Variants in RTN4R observed in about 807,000 individuals in gnomAD.
RTN4R encodes the protein reticulon 4 receptor, also known as reticulon-4 receptor.
RTN4R carries 4 observed loss-of-function variants against 27.7 expected under a neutral mutation model. The ratio of observed to expected loss-of-function variants is 0.14; its 90% CI spans 0.07 to 0.33. RTN4R has a LOEUF of 0.33. Ranked by LOEUF, RTN4R falls within the 10% of genes least tolerant of loss-of-function variation. The pLI is 1.00. For synonymous variants in RTN4R, 290 were observed against 305.6 expected (o/e 0.95, Z 0.53); for missense variants, 554 against 671.5 (o/e 0.83, Z 1.93).
At chr22:20,263,045 C>T (rs1484289526) in intron 1 of RTN4R, among the ~76,000 whole-genome samples, 1 of 152,234 alleles carries the variant, frequency 6.6e-6, no homozygotes, top group Non-Finnish European at 1.5e-5. Flanking sequence ...TGACGGGCCC[C>T]TCACCCAGCC....
At position 20,255,418 on chromosome 22, in the gene RTN4R, C is replaced by T. The variant is rs150217755; in HGVS notation, c.23-12308G>A. Among the ~76,000 whole-genome samples, 175 of 152,308 alleles carry T rather than the reference C, an allele frequency of 1.1e-3. 1 individual carries two copies. Among genetic ancestry groups the T allele is most frequent in the Non-Finnish European group, 1.2e-3 (85 of 68,022 alleles). ...CAGCCCCAGGGCAGCTGGCATCTGGCCAGGGAGGATCCACATGCTGCTTTT... is the reference window on the plus strand; with the variant it reads ...CAGCCCCAGGGCAGCTGGCATCTGGTCAGGGAGGATCCACATGCTGCTTTT... On this transcript the variant is annotated intron_variant, in intron 1 of 1. Coordinates refer to ENST00000043402, the MANE Select transcript of RTN4R (RefSeq NM_023004.6). The surrounding 1 kb of genome is among the most constrained non-coding windows in gnomAD (Gnocchi z 4.8).
intron 1 of RTN4R, among the ~76,000 whole-genome samples, chr22:20,257,262 TGG>T (rs1348035062): frequency 6.6e-6 from 1 of 152,232 alleles, no homozygotes; most frequent in East Asian, 1.9e-4. Context: ...AGTAGCAACA[TGG>T]ATAGCTTTAC....
intron 1 of RTN4R, among the ~76,000 whole-genome samples, chr22:20,262,009 G>A (rs185294868): frequency 6.6e-5 from 10 of 152,370 alleles, no homozygotes; most frequent in Admixed American, 3.3e-4. Flanking sequence ...ATCCCGGGGT[G>A]GGGAACAAGA....
At chr22:20,245,424 A>T (rs2051134887) in intron 1 of RTN4R, among the ~76,000 whole-genome samples, 2 of 152,096 alleles carry the variant, frequency 1.3e-5, no homozygotes, top group Admixed American at 6.5e-5. Context: ...TGAGATAATC[A>T]AACCCAACTT....
At chr22:20,247,947 TTTGC>T (rs1168080363) in intron 1 of RTN4R, among the ~76,000 whole-genome samples, 3 of 152,124 alleles carry the variant, frequency 2.0e-5, no homozygotes, top group Non-Finnish European at 2.9e-5. Context: ...GGCTCCACTC[TTTGC>T]CCTGGCCGGC....
In RTN4R at chr22:20,241,654, G is replaced by A; in HGVS notation, c.*57C>T. 6.5e-7 allele frequency: 1 copy of A among 1,539,538 alleles called. No individual in the cohort carries two copies. The highest frequency in any genetic ancestry group is 8.8e-7 in the Non-Finnish European group (1 of 1,139,714). On this transcript the variant is annotated 3_prime_UTR_variant, in exon 2 of 2. Coordinates refer to ENST00000043402, the MANE Select transcript of RTN4R (RefSeq NM_023004.6). ...CCCGGCTGGCTTGGCGGCGTGGAGAGAGACCCCGTATGTACACACACCTGG... is the reference window on the plus strand; with the variant it reads ...CCCGGCTGGCTTGGCGGCGTGGAGAAAGACCCCGTATGTACACACACCTGG...
At chr22:20,243,572 C>T in intron 1 of RTN4R, 1 of 436,656 alleles carries the variant, frequency 2.3e-6, no homozygotes, top group Non-Finnish European at 4.7e-6. Context: ...GCACGTCTAT[C>T]TCAAAAACGG....
At chr22:20,264,502 G>A (rs1481490925) in intron 1 of RTN4R, among the ~76,000 whole-genome samples, 6 of 152,198 alleles carry the variant, frequency 3.9e-5, no homozygotes, top group Admixed American at 6.5e-5. Context: ...AGAGATGCCC[G>A]ATGCCAAGGA....
intron 1 of RTN4R, among the ~76,000 whole-genome samples, chr22:20,251,373 G>T (rs1393075366): frequency 6.6e-6 from 1 of 152,138 alleles, no homozygotes; most frequent in Non-Finnish European, 1.5e-5. Flanking sequence ...TTGCAAACAG[G>T]ATGCCCTGGA....
At chr22:20,265,718 T>C (rs1602653756) in intron 1 of RTN4R, among the ~76,000 whole-genome samples, 1 of 152,194 alleles carries the variant, frequency 6.6e-6, no homozygotes, top group East Asian at 1.9e-4. Flanking sequence ...CTTCTGCACA[T>C]GGATGGGGTG....
intron 1 of RTN4R, chr22:20,243,468 C>T (rs1194759495): frequency 1.8e-6 from 1 of 544,536 alleles, no homozygotes; most frequent in South Asian, 1.5e-5. Flanking sequence ...CCAGTGAACA[C>T]AGAGCCCGCA....
At chr22:20,259,554 C>T (rs2145982867) in intron 1 of RTN4R, among the ~76,000 whole-genome samples, 1 of 152,268 alleles carries the variant, frequency 6.6e-6, no homozygotes, top group African/African-American at 2.4e-5. Flanking sequence ...TCTGCCCCTC[C>T]CTCCACTCCC....
At chr22:20,260,502 A>T (rs989902312) in intron 1 of RTN4R, among the ~76,000 whole-genome samples, 1 of 152,158 alleles carries the variant, frequency 6.6e-6, no homozygotes. Flanking sequence ...CAGGAGCACC[A>T]GCGCAGCACA....
Position 20,242,323 on chromosome 22 carries a change from T to C in RTN4R, c.810A>G (p.Pro270=). The change falls in exon 2 of 2, where the codon CCA becomes CCG. Residue 270 remains proline (P), a synonymous_variant. Transcript: ENST00000043402. ...NPWVCDCRAR[P]LWAWLQKFRG... is the part of the protein sequence containing the mutation. Reference sequence around the variant, plus strand: ...GGAACTTCTGCAGCCAGGCCCAGAGTGGGCGTGCCCGGCAGTCACACACCC... The same window carrying C: ...GGAACTTCTGCAGCCAGGCCCAGAGCGGGCGTGCCCGGCAGTCACACACCC... 1 of 1,609,856 alleles carries C rather than the reference T, an allele frequency of 6.2e-7. No homozygotes were observed.
At chr22:20,250,855 GCA>G (rs35094087) in intron 1 of RTN4R, among the ~76,000 whole-genome samples, 35 of 150,204 alleles carry the variant, frequency 2.3e-4, no homozygotes, top group South Asian at 4.2e-4. Flanking sequence ...ACACATGCAT[GCA>G]CACACACACA....
intron 1 of RTN4R, among the ~76,000 whole-genome samples, chr22:20,262,688 GAC>G: frequency 6.6e-6 from 1 of 152,312 alleles, no homozygotes; most frequent in East Asian, 1.9e-4. Flanking sequence ...CACTCTTGAA[GAC>G]ACTGAGCTGG....
At chr22:20,256,698 C>T (rs1017208527) in intron 1 of RTN4R, among the ~76,000 whole-genome samples, 4 of 152,224 alleles carry the variant, frequency 2.6e-5, no homozygotes, top group Non-Finnish European at 4.4e-5. Context: ...AGCCATGCCC[C>T]GTCCCGCTCA....
chr22:20,251,169 A>C (rs2051174708), intron 1 of RTN4R, among the ~76,000 whole-genome samples: 1 of 152,172 alleles, frequency 6.6e-6, no homozygotes, highest in African/African-American at 2.4e-5. Flanking sequence ...ATGACCCATT[A>C]ACATCAAGCT....
At chr22:20,249,489 G>A (rs1327212786) in intron 1 of RTN4R, among the ~76,000 whole-genome samples, 1 of 152,228 alleles carries the variant, frequency 6.6e-6, no homozygotes, top group African/African-American at 2.4e-5. Flanking sequence ...GGCCTTGACA[G>A]GGCAGGAGGA....
Sources: allele counts gnomAD v4.1 joint callset (sites outside exome capture counted in the v4.1 genomes callset), GRCh38; gene constraint gnomAD v4.1.1; non-coding constraint Gnocchi (gnomAD v3.1); transcripts MANE v1.5; gene names NCBI Gene and HGNC (gene_info 2026-07-23, HGNC 2026-07-21).